CELF4: variants seen among roughly 807,000 people sequenced by gnomAD.
CELF4 encodes CUG-BP- and ETR-3-like factor 4.
In CELF4, 18 loss-of-function variants were observed where a neutral mutation model predicts 59.9. The observed-to-expected ratio is 0.30, with a 90% CI of 0.21 to 0.45. CELF4 has a LOEUF of 0.45. CELF4 is among the 20% of genes least tolerant of loss of function. The probability of loss-of-function intolerance (pLI) is 1.00; values close to 1 mark genes in which losing one functional copy is unlikely to be tolerated. For missense variants in CELF4, 456 were observed against 689.0 expected (o/e 0.66, Z 3.79); for synonymous variants, 261 against 267.1 (o/e 0.98, Z 0.22).
intron 1 of CELF4, among the ~76,000 whole-genome samples, chr18:37,549,174 C>T (rs900783970): frequency 1.3e-5 from 2 of 152,216 alleles, no homozygotes; most frequent in Non-Finnish European, 2.9e-5. Flanking sequence ...TCATCACTCA[C>T]TTTATTTAAA....
At chr18:37,539,465 ACACACAAAC>A (rs1569569805) in intron 1 of CELF4, among the ~76,000 whole-genome samples, 13 of 104,778 alleles carry the variant, frequency 1.2e-4, no homozygotes, top group African/African-American at 5.9e-4. Flanking sequence ...ACACACACAC[ACACACAAAC>A]ACACACACAC....
chr18:37,249,345 T>C (rs2064004264), intron 12 of CELF4, among the ~76,000 whole-genome samples: 2 of 152,146 alleles, frequency 1.3e-5, no homozygotes, highest in African/African-American at 2.4e-5. Context: ...GGGACTCTCC[T>C]CTTTCTCCCT....
At chr18:37,317,096 CAT>C (rs1266679564) in intron 3 of CELF4, among the ~76,000 whole-genome samples, 1 of 152,158 alleles carries the variant, frequency 6.6e-6, no homozygotes, top group African/African-American at 2.4e-5. Context: ...ATAAATTAAA[CAT>C]ATTTCCGGCC....
intron 2 of CELF4, among the ~76,000 whole-genome samples, chr18:37,346,682 C>T (rs562609710): frequency 1.5e-4 from 23 of 152,084 alleles, no homozygotes; most frequent in Non-Finnish European, 2.5e-4. Context: ...TTATTGAGGG[C>T]GAGGCTCGGG....
At chr18:37,508,501 G>T (rs2099940696) in intron 1 of CELF4, among the ~76,000 whole-genome samples, 1 of 152,242 alleles carries the variant, frequency 6.6e-6, no homozygotes. Flanking sequence ...TAGGTGGAGA[G>T]CTACTGAAAT....
chr18:37,467,934 A>G (rs2099812709), intron 2 of CELF4, among the ~76,000 whole-genome samples: 1 of 152,208 alleles, frequency 6.6e-6, no homozygotes, highest in Non-Finnish European at 1.5e-5. Context: ...TTATGTACAC[A>G]TACTTTTGTG....
At chr18:37,315,214 AAC>A (rs1420483275) in intron 3 of CELF4, among the ~76,000 whole-genome samples, 1 of 152,142 alleles carries the variant, frequency 6.6e-6, no homozygotes, top group African/African-American at 2.4e-5. Context: ...GGCCCTGCTG[AAC>A]AGAGCTTCCA....
intron 3 of CELF4, among the ~76,000 whole-genome samples, chr18:37,277,524 C>T (rs890389285): frequency 5.9e-5 from 9 of 151,934 alleles, no homozygotes; most frequent in South Asian, 2.1e-4. Context: ...TAGAGTTCAG[C>T]GCAGAAAGGG....
intron 1 of CELF4, among the ~76,000 whole-genome samples, chr18:37,493,032 C>T (rs2099911489): frequency 6.6e-6 from 1 of 152,172 alleles, no homozygotes; most frequent in Admixed American, 6.5e-5. Flanking sequence ...ATCTTCTTCC[C>T]TCTCTCTTCC....
chr18:37,490,598 G>T (rs1199662686), intron 1 of CELF4, among the ~76,000 whole-genome samples: 1 of 152,132 alleles, frequency 6.6e-6, no homozygotes, highest in Non-Finnish European at 1.5e-5. Context: ...GCTGGCTGCT[G>T]CGGTGCTGGG....
At chr18:37,320,347 A>AT (rs920732816) in intron 3 of CELF4, among the ~76,000 whole-genome samples, 1 of 150,804 alleles carries the variant, frequency 6.6e-6, no homozygotes, top group African/African-American at 2.4e-5. Context: ...AAAAAAAAAA[A>AT]AAAAAAAAAG....
chr18:37,300,782 TG>T (rs1181030486), intron 3 of CELF4, among the ~76,000 whole-genome samples: 2 of 152,192 alleles, frequency 1.3e-5, no homozygotes, highest in African/African-American at 4.8e-5. Context: ...TGCATTAGGT[TG>T]GAAGTCAGGA....
At chr18:37,437,752 A>G (rs1044462813) in intron 2 of CELF4, among the ~76,000 whole-genome samples, 1 of 152,182 alleles carries the variant, frequency 6.6e-6, no homozygotes, top group Non-Finnish European at 1.5e-5. Context: ...ACAGCCAGAG[A>G]CAGAGATAAT....
intron 3 of CELF4, among the ~76,000 whole-genome samples, chr18:37,302,605 GTGGAGGGAGGGAAA>G (rs1190423313): frequency 1.3e-5 from 2 of 152,224 alleles, no homozygotes; most frequent in Non-Finnish European, 1.5e-5. Context: ...AGGTGGGGAG[GTGGAGGGAGGGAAA>G]TGGATGGGTG....
At chr18:37,317,552 C>A (rs965785915) in intron 3 of CELF4, among the ~76,000 whole-genome samples, 8 of 152,116 alleles carry the variant, frequency 5.3e-5, no homozygotes, top group African/African-American at 1.9e-4. Context: ...CGGATAAGAA[C>A]CTTCCACAAA....
chr18:37,488,388 G>A (rs2099886660), intron 1 of CELF4, among the ~76,000 whole-genome samples: 1 of 152,166 alleles, frequency 6.6e-6, no homozygotes, highest in Non-Finnish European at 1.5e-5. Context: ...CAGCATATAA[G>A]TGGAGGCTAA....
rs542491058 is a variant in CELF4, at chr18:37,330,481, A to G, written c.370-8600T>C. ...TAATAAATCGCATATGGTGCGTTCC[A>G]TAGAGAGGGGTTAGAGATTCAAGAA... is the stretch of plus-strand genomic sequence containing the variant. On this transcript the variant is annotated intron_variant, in intron 2 of 12. Coordinates refer to ENST00000420428, the MANE Select transcript of CELF4 (RefSeq NM_020180.4). Among the ~76,000 whole-genome samples the G allele has an allele frequency of 9.2e-5, 14 of 152,356 alleles. No individual in the cohort carries two copies. The East Asian group carries it at 2.5e-3, about 27-fold the overall frequency.
chr18:37,546,293 G>A (rs2099981400), intron 1 of CELF4, among the ~76,000 whole-genome samples: 1 of 152,246 alleles, frequency 6.6e-6, no homozygotes, highest in South Asian at 2.1e-4. Context: ...CCTCGCCCAG[G>A]TCTCACAGGC....
chr18:37,339,991 C>T (rs2097936208), intron 2 of CELF4, among the ~76,000 whole-genome samples: 1 of 152,176 alleles, frequency 6.6e-6, no homozygotes, highest in Non-Finnish European at 1.5e-5. Context: ...CACCTGCCAT[C>T]AGCGCATTAA....
Sources: allele counts gnomAD v4.1 joint callset (sites outside exome capture counted in the v4.1 genomes callset), GRCh38; gene constraint gnomAD v4.1.1; transcripts MANE v1.5; gene names NCBI Gene and HGNC (gene_info 2026-07-23, HGNC 2026-07-21).